BLTP1: variants seen among roughly 807,000 people sequenced by gnomAD.
BLTP1 encodes the protein fragile site-associated protein.
chr4:122,208,749 A>T, the BLTP1 span: 1 of 751,378 alleles, frequency 1.3e-6, no homozygotes, highest in East Asian at 1.3e-4. Context: ...GTCGAATGCA[A>T]AATCTGCCAT....
At chr4:122,251,089 T>G in the BLTP1 span, 376,321 of 984,134 alleles carry the variant, frequency 0.38, 72,404 homozygotes, top group Middle Eastern at 0.56. Context: ...TCCAAATTTT[T>G]GGTTGAAGAA....
At chr4:122,278,244 C>T in the BLTP1 span, among the ~76,000 whole-genome samples, 4 of 151,238 alleles carry the variant, frequency 2.6e-5, no homozygotes. Context: ...TCAGTGATAC[C>T]AGCCATTTAT....
At chr4:122,246,709 A>G in the BLTP1 span, 1 of 1,612,796 alleles carries the variant, frequency 6.2e-7, no homozygotes, top group South Asian at 1.1e-5. Flanking sequence ...TACAAGCCTC[A>G]GTGGAAGAAT....
chr4:122,350,142 AAAT>A, the BLTP1 span: 13 of 1,515,518 alleles, frequency 8.6e-6, no homozygotes, highest in Non-Finnish European at 1.1e-5. Flanking sequence ...TTTTAATTTA[AAAT>A]AATAATAATC....
At chr4:122,254,018 A>G in the BLTP1 span, 1 of 169,164 alleles carries the variant, frequency 5.9e-6, no homozygotes, top group African/African-American at 2.4e-5. Context: ...GCTGAAGGAA[A>G]AACACTTTTA....
At chr4:122,192,102 G>C in the BLTP1 span, 1 of 877,362 alleles carries the variant, frequency 1.1e-6, no homozygotes, top group East Asian at 2.7e-5. Flanking sequence ...CCCCTTTTAG[G>C]TTCTCAATAA....
At chr4:122,346,674 G>C in the BLTP1 span, 5 of 1,613,496 alleles carry the variant, frequency 3.1e-6, no homozygotes, top group Non-Finnish European at 4.2e-6. Context: ...CGCCGACTCA[G>C]TGAAATTCTG....
At chr4:122,354,852 A>G in the BLTP1 span, among the ~76,000 whole-genome samples, 1 of 151,878 alleles carries the variant, frequency 6.6e-6, no homozygotes, top group South Asian at 2.1e-4. Flanking sequence ...TTTTTAGTAG[A>G]GACAGGGTTT....
chr4:122,326,652 A>G, the BLTP1 span, among the ~76,000 whole-genome samples: 3 of 151,704 alleles, frequency 2.0e-5, no homozygotes, highest in African/African-American at 7.2e-5. Context: ...TAATATTTGA[A>G]GTGATTCAAT....
chr4:122,246,042 C>G, the BLTP1 span: 1 of 1,226,534 alleles, frequency 8.2e-7, no homozygotes, highest in Non-Finnish European at 1.1e-6. Flanking sequence ...TAGAACGCAG[C>G]TGGCACATAG....
chr4:122,305,271 A>G, the BLTP1 span: 23 of 975,872 alleles, frequency 2.4e-5, no homozygotes, highest in Non-Finnish European at 2.8e-5. Flanking sequence ...TTTTATTTCA[A>G]AGTCTTGTGC....
At chr4:122,228,349 T>C in the BLTP1 span, among the ~76,000 whole-genome samples, 6 of 152,222 alleles carry the variant, frequency 3.9e-5, no homozygotes, top group Non-Finnish European at 5.9e-5. Flanking sequence ...AGTGAAGATA[T>C]AGAACATTTC....
chr4:122,188,188 C>G, the BLTP1 span: 1 of 1,224,054 alleles, frequency 8.2e-7, no homozygotes, highest in Non-Finnish European at 1.1e-6. Context: ...ACAAGTTGTA[C>G]AAAAATTAGG....
the BLTP1 span, chr4:122,302,272 A>G: frequency 2.0e-6 from 2 of 981,366 alleles, no homozygotes; most frequent in Non-Finnish European, 2.4e-6. Flanking sequence ...CAGTTTTATC[A>G]GTTCATTAGA....
the BLTP1 span, chr4:122,335,999 TTATTATATG>T: frequency 2.3e-6 from 1 of 443,740 alleles, no homozygotes; most frequent in Non-Finnish European, 3.9e-6. Flanking sequence ...AATAACCAAC[TTATTATATG>T]TTATTAATCG....
the BLTP1 span, chr4:122,258,636 G>C: frequency 6.5e-7 from 1 of 1,530,170 alleles, no homozygotes; most frequent in African/African-American, 1.4e-5. Flanking sequence ...TAGAAACATA[G>C]GGGCTGATGT....
chr4:122,181,048 A>G, the BLTP1 span, among the ~76,000 whole-genome samples: 3 of 152,222 alleles, frequency 2.0e-5, no homozygotes, highest in African/African-American at 7.2e-5. Flanking sequence ...ATTATGATAT[A>G]TCATTGCCTG....
the BLTP1 span, chr4:122,226,113 A>G: frequency 6.6e-6 from 1 of 151,874 alleles, no homozygotes. Flanking sequence ...TAAATTATGT[A>G]CTTATTTGAG....
the BLTP1 span, chr4:122,276,941 C>T: frequency 1.0e-6 from 1 of 985,252 alleles, no homozygotes; most frequent in Admixed American, 6.1e-5. Flanking sequence ...ATCTTTGAGA[C>T]TATAAATAAT....
Sources: allele counts gnomAD v4.1 joint callset (sites outside exome capture counted in the v4.1 genomes callset), GRCh38; gene constraint gnomAD v4.1.1; transcripts MANE v1.5; gene names NCBI Gene and HGNC (gene_info 2026-07-23, HGNC 2026-07-21).